SVIL: variants seen among roughly 807,000 people sequenced by gnomAD.
SVIL encodes the protein archvillin.
Under a neutral mutation model 240.4 loss-of-function variants are expected in SVIL, and 101 were observed. That is an observed-to-expected ratio of 0.42 (90% CI 0.36 to 0.50). The LOEUF (loss-of-function observed/expected upper bound fraction) is 0.50. Among genes scored for constraint, SVIL ranks in the 20% least tolerant of loss-of-function variants. SVIL has a pLI of 0.01. For missense variants in SVIL, 2,512 were observed against 2,818.7 expected, an observed-to-expected ratio of 0.89 and a Z score of 2.46; for synonymous variants, 999 against 1,100.0, an observed-to-expected ratio of 0.91 and a Z score of 1.82.
chr10:29,632,114 C>T (rs1408044270), intron 1 of SVIL, among the ~76,000 whole-genome samples: 1 of 152,218 alleles, frequency 6.6e-6, no homozygotes, highest in Non-Finnish European at 1.5e-5. Flanking sequence ...AGCCCGAGAG[C>T]CCTGCATGCT....
chr10:29,664,083 G>T (rs1005441230), intron 2 of SVIL, among the ~76,000 whole-genome samples: 2 of 152,096 alleles, frequency 1.3e-5, no homozygotes, highest in South Asian at 4.2e-4. Context: ...TGACAGCACA[G>T]GTTCTTAAAA....
intron 1 of SVIL, among the ~76,000 whole-genome samples, chr10:29,708,126 A>G (rs17544661): frequency 6.6e-6 from 1 of 151,162 alleles, no homozygotes; most frequent in East Asian, 2.0e-4. Context: ...GGCATGGTGG[A>G]GGGCGCCTGT....
intron 7 of SVIL, 92 bp downstream of exon 7, chr10:29,535,897 G>A (rs1951711254): frequency 2.3e-6 from 3 of 1,315,928 alleles, no homozygotes; most frequent in Non-Finnish European, 2.2e-6. Flanking sequence ...ATTAAAGAAG[G>A]CAAGAGGAGA....
intron 1 of SVIL, among the ~76,000 whole-genome samples, chr10:29,588,920 CT>C (rs1273360201): frequency 1.3e-5 from 2 of 152,100 alleles, no homozygotes; most frequent in African/African-American, 4.8e-5. Context: ...CCCACCCCCC[CT>C]TTTATTCCTT....
intron 1 of SVIL, among the ~76,000 whole-genome samples, chr10:29,717,922 CTT>C (rs1963726884): frequency 6.6e-6 from 1 of 151,976 alleles, no homozygotes; most frequent in Non-Finnish European, 1.5e-5. Flanking sequence ...AATTTTAAGA[CTT>C]ACTATAAAAT....
intron 1 of SVIL, among the ~76,000 whole-genome samples, chr10:29,623,189 C>T (rs1185713585): frequency 6.6e-6 from 1 of 152,216 alleles, no homozygotes; most frequent in Non-Finnish European, 1.5e-5. Flanking sequence ...GGTCAATAGG[C>T]AATGCATGGC....
intron 1 of SVIL, among the ~76,000 whole-genome samples, chr10:29,689,394 C>T (rs1156593008): frequency 6.6e-6 from 1 of 152,172 alleles, no homozygotes; most frequent in Non-Finnish European, 1.5e-5. Context: ...ATGTGATTCT[C>T]CTGCCTCAGC....
intron 2 of SVIL, among the ~76,000 whole-genome samples, chr10:29,563,944 C>T (rs1161285057): frequency 2.0e-5 from 3 of 151,614 alleles, no homozygotes; most frequent in Non-Finnish European, 4.4e-5. Context: ...ATCTCCTTAT[C>T]TCCCCATGTA....
chr10:29,637,047 T>C (rs1328282001), upstream of SVIL, among the ~76,000 whole-genome samples: 2 of 152,162 alleles, frequency 1.3e-5, no homozygotes, highest in Admixed American at 1.3e-4. Flanking sequence ...GGGCTCCAGC[T>C]GTCCTCCCAC....
rs568761877 is a variant in SVIL, at chr10:29,679,600, G to A, written c.-301+6953C>T. On this transcript the variant is annotated intron_variant, in intron 2 of 35. Transcript: ENST00000375400. ...ATGGGGGTCCCACTCTGTTGCCCTG[G>A]CTGGAGTGCAGTGGCGCTGATCACG... Among the ~76,000 whole-genome samples the A allele has an allele frequency of 3.5e-5, 5 of 144,006 alleles. No individual in the cohort carries two copies. In the East Asian group the frequency reaches 8.2e-4, roughly 24 times the overall value. The allele number at this position is 144,006 out of a possible 152,430, so 94.5% of individuals were successfully genotyped here. A position where few individuals can be genotyped will look rare whatever the true frequency, so the allele number is the denominator to read the frequency against.
At chr10:29,630,355 G>A (rs1380447409) in intron 1 of SVIL, among the ~76,000 whole-genome samples, 1 of 152,164 alleles carries the variant, frequency 6.6e-6, no homozygotes, top group African/African-American at 2.4e-5. Context: ...ACTTGTTTGG[G>A]ATTAAAGGAT....
At chr10:29,695,122 A>G (rs1327716171) in intron 1 of SVIL, among the ~76,000 whole-genome samples, 1 of 152,178 alleles carries the variant, frequency 6.6e-6, no homozygotes, top group East Asian at 1.9e-4. Context: ...AAGACAAACT[A>G]GGAATGAAGA....
At chr10:29,688,262 C>T (rs1961242172) in intron 1 of SVIL, among the ~76,000 whole-genome samples, 1 of 152,194 alleles carries the variant, frequency 6.6e-6, no homozygotes, top group South Asian at 2.1e-4. Context: ...CTGACTGTCT[C>T]CCCTCAGGGG....
At position 29,522,608 on chromosome 10, in the gene SVIL, T is replaced by G; in HGVS notation, c.3191A>C (p.Glu1064Ala). The G allele has an allele frequency of 3.1e-6, 5 of 1,614,106 alleles. No individual in the cohort carries two copies. Among genetic ancestry groups the G allele is most frequent in the Non-Finnish European group, 4.2e-6 (5 of 1,180,016 alleles). ...RAAEFGEPTS[E>A]QTGTAAGKTI... ...TTTCCCAGCAGCTGTCCCCGTCTGC[T>G]CGGAAGTGGGCTCCCCGAACTCTGC... The change falls in exon 16 of 38, where the codon GAG becomes GCG. Residue 1064 changes from glutamate (E) to alanine (A), a missense_variant. Physicochemically the swap from Glu to Ala is moderately radical, Grantham distance 107. This residue lies in a region of SVIL where 1,443 missense variants were observed against 1,486.6 expected (regional missense o/e 0.97). Transcript: ENST00000355867.
intron 3 of SVIL, among the ~76,000 whole-genome samples, chr10:29,653,351 T>G (rs1009239558): frequency 6.6e-6 from 1 of 152,166 alleles, no homozygotes; most frequent in African/African-American, 2.4e-5. Flanking sequence ...CTGTGTCTGC[T>G]TCCCATTCAC....
intron 2 of SVIL, among the ~76,000 whole-genome samples, chr10:29,568,779 GTGGATGGGTGGATGGATGGA>G: frequency 7.2e-6 from 1 of 137,980 alleles, no homozygotes; most frequent in East Asian, 2.1e-4. Flanking sequence ...ACATGGATGG[GTGGATGGGTGGATGGATGGA>G]TGGATGGATG....
intron 6 of SVIL, among the ~76,000 whole-genome samples, chr10:29,542,372 G>A (rs1952237576): frequency 6.6e-6 from 1 of 152,186 alleles, no homozygotes; most frequent in Non-Finnish European, 1.5e-5. Flanking sequence ...CTAAAGTAAT[G>A]CTATCGCTGC....
chr10:29,573,533 AATT>A (rs1955543463), intron 1 of SVIL, among the ~76,000 whole-genome samples: 1 of 152,052 alleles, frequency 6.6e-6, no homozygotes, highest in African/African-American at 2.4e-5. Flanking sequence ...AATTATAATG[AATT>A]ATTATTTTTA....
intron 1 of SVIL, among the ~76,000 whole-genome samples, chr10:29,690,900 C>T (rs1961446153): frequency 6.6e-6 from 1 of 152,134 alleles, no homozygotes; most frequent in Non-Finnish European, 1.5e-5. Flanking sequence ...ATCAAGTTGG[C>T]TGATTTTTCT....
Sources: gnomAD v4.1 joint callset for allele counts (sites outside exome capture counted in the v4.1 genomes callset) on GRCh38, gnomAD v4.1.1 for gene constraint, gnomAD v4.1.1 regional missense constraint, MANE v1.5 for transcripts, NCBI Gene and HGNC (gene_info 2026-07-23, HGNC 2026-07-21) for gene names.